IPO7: variants seen among roughly 807,000 people sequenced by gnomAD.
The protein encoded by IPO7 is importin 7.
A neutral mutation model predicts 136.4 loss-of-function variants in IPO7; 13 were observed. The ratio of observed to expected loss-of-function variants is 0.10; its 90% confidence interval spans 0.06 to 0.15. The LOEUF is 0.15. Ranked by LOEUF, IPO7 falls within the 10% of genes least tolerant of loss-of-function variation. The pLI, the probability that IPO7 is intolerant of heterozygous loss-of-function variation, is 1.00. For synonymous variants in IPO7, 403 were observed against 404.4 expected, an observed-to-expected ratio of 1.00 and a Z score of 0.04; for missense variants, 857 against 1,240.6, an observed-to-expected ratio of 0.69 and a Z score of 4.65.
At chr11:9,393,853 A>G (rs1854671989) in intron 1 of IPO7, among the ~76,000 whole-genome samples, 1 of 152,134 alleles carries the variant, frequency 6.6e-6, no homozygotes, top group South Asian at 2.1e-4. Flanking sequence ...AGTATCAGTA[A>G]CCTTGGAAAA....
At chr11:9,409,619 C>T (rs956439995) in intron 3 of IPO7, among the ~76,000 whole-genome samples, 1 of 152,156 alleles carries the variant, frequency 6.6e-6, no homozygotes, top group Non-Finnish European at 1.5e-5. Context: ...ACCTTGTGAT[C>T]TTCCCGCCTG....
At position 9,433,550 on chromosome 11, in the gene IPO7, T is replaced by G; in HGVS notation, c.1882-20T>G. 6.3e-7 allele frequency: 1 copy of G among 1,593,102 alleles called. No individual in the cohort carries two copies. The highest frequency in any genetic ancestry group is 1.1e-5 in the South Asian group (1 of 90,274). The stretch of plus-strand genomic sequence containing the variant: ...TTTAGTAGGCTGTAACTGCATATGA[T>G]TTTTTTTCTTCTCTTTTAGATAACC... On this transcript the variant is annotated intron_variant, in intron 16 of 24. Transcript: ENST00000379719.
intron 6 of IPO7, 153 bp from the exon 7 acceptor site, chr11:9,420,258 A>AGT: frequency 3.6e-6 from 2 of 549,136 alleles, no homozygotes; most frequent in Non-Finnish European, 6.4e-6. Flanking sequence ...CGGAGCTTGC[A>AGT]GTGAGCTGAG....
Position 9,426,318 on chromosome 11 carries a change from T to C in IPO7, c.1335+1056T>C, listed in dbSNP as rs189665269. 2.0e-4 allele frequency among the ~76,000 whole-genome samples: 30 copies of C among 152,338 alleles called. No individual in the cohort carries two copies. The East Asian group carries it at 5.8e-3, about 29-fold the overall frequency. On this transcript the variant is annotated intron_variant, in intron 12 of 24. Coordinates refer to ENST00000379719, the MANE Select transcript of IPO7 (RefSeq NM_006391.3). ...GACTTCTTTCATTTAGTGTAATGTT[T>C]TCAAGGATTATCTGTGTTATAGCAG...
intron 3 of IPO7, among the ~76,000 whole-genome samples, chr11:9,409,494 C>T (rs1854938182): frequency 6.6e-6 from 1 of 152,044 alleles, no homozygotes; most frequent in African/African-American, 2.4e-5. Flanking sequence ...GCACAGTGGC[C>T]TCAGCCCCCG....
chr11:9,391,166 G>A (rs1331555870), intron 1 of IPO7, among the ~76,000 whole-genome samples: 3 of 152,038 alleles, frequency 2.0e-5, no homozygotes, highest in African/African-American at 4.8e-5. Flanking sequence ...TTGGGAGGCC[G>A]AGGTGGGCGG....
chr11:9,408,072 C>T (rs7115477), intron 2 of IPO7, among the ~76,000 whole-genome samples: 79,206 of 151,942 alleles, frequency 0.52, 22,354 homozygotes, highest in Non-Finnish European at 0.64. Flanking sequence ...GTGATAAGAA[C>T]TGGTTTTTTT....
intron 20 of IPO7, 33 bp downstream of exon 20, chr11:9,436,399 A>AG: frequency 2.9e-6 from 4 of 1,400,972 alleles, no homozygotes; most frequent in Non-Finnish European, 4.0e-6. Flanking sequence ...TGTAGTTCAG[A>AG]GGGGTAATCT....
intron 1 of IPO7, among the ~76,000 whole-genome samples, chr11:9,386,555 C>T (rs1344762354): frequency 6.6e-6 from 1 of 152,232 alleles, no homozygotes; most frequent in South Asian, 2.1e-4. Context: ...ATTATACTTG[C>T]ATGTAATTAT....
intron 23 of IPO7, among the ~76,000 whole-genome samples, chr11:9,441,034 C>G (rs1455257799): frequency 3.3e-5 from 5 of 152,180 alleles, no homozygotes; most frequent in Non-Finnish European, 1.5e-5. Context: ...CCTGCCCAAA[C>G]CTATACTTAA....
chr11:9,411,928 C>T (rs571760213), intron 4 of IPO7, among the ~76,000 whole-genome samples: 2 of 152,216 alleles, frequency 1.3e-5, no homozygotes, highest in South Asian at 4.1e-4. Flanking sequence ...TATTTAAACT[C>T]TCTTAGGGTG....
chr11:9,426,412 C>G (rs1439505392), intron 12 of IPO7, among the ~76,000 whole-genome samples: 1 of 152,118 alleles, frequency 6.6e-6, no homozygotes, highest in Non-Finnish European at 1.5e-5. Context: ...ATTTTATTTA[C>G]TCATTCATTA....
At chr11:9,402,828 T>TG (rs534543335) in intron 1 of IPO7, 96 of 154,450 alleles carry the variant, frequency 6.2e-4, no homozygotes, top group Non-Finnish European at 9.6e-4. Context: ...ACTCTCGCCT[T>TG]GGGGGCGACA....
At chr11:9,395,404 C>T (rs950935643) in intron 1 of IPO7, among the ~76,000 whole-genome samples, 6 of 151,470 alleles carry the variant, frequency 4.0e-5, no homozygotes, top group African/African-American at 1.2e-4. Flanking sequence ...CCACTGTGCC[C>T]GGTTAATTGT....
At chr11:9,420,241 C>G in intron 6 of IPO7, 170 bp from the exon 7 acceptor site, 1 of 521,092 alleles carries the variant, frequency 1.9e-6, no homozygotes. Context: ...TGTGTGAACT[C>G]GGGAGGCGGA....
intron 1 of IPO7, among the ~76,000 whole-genome samples, chr11:9,393,175 G>A (rs1854660553): frequency 6.6e-6 from 1 of 152,136 alleles, no homozygotes; most frequent in South Asian, 2.1e-4. Flanking sequence ...ATGGAAAAGT[G>A]ATATTCTTCT....
chr11:9,427,805 T>G (rs1215437416), intron 12 of IPO7, among the ~76,000 whole-genome samples: 2 of 152,240 alleles, frequency 1.3e-5, no homozygotes, highest in African/African-American at 4.8e-5. Flanking sequence ...TCCATGGACC[T>G]TTTTAAAGTT....
intron 23 of IPO7, 128 bp from the exon 24 acceptor site, chr11:9,441,953 T>C: frequency 3.9e-6 from 2 of 512,710 alleles, no homozygotes; most frequent in Non-Finnish European, 7.1e-6. Flanking sequence ...TTAAAAATTA[T>C]TGGGAGAATA....
At position 9,420,446 on chromosome 11, in the gene IPO7, G is replaced by A. The variant is rs1013735589; in HGVS notation, c.762G>A (p.Glu254=). The stretch of plus-strand genomic sequence containing the variant: ...AAGTTGAAGAAGATGATCGACCTGA[G>A]TTACCATGGTGGAAATGCAAGAAGT... The part of the protein sequence containing the change: ...TLQVEEDDRP[E]LPWWKCKKWA... Residue 254 remains glutamate (E), a synonymous_variant, in exon 7 of 25, where the codon GAG becomes GAA. Coordinates refer to ENST00000379719, the MANE Select transcript of IPO7 (RefSeq NM_006391.3). 3 of 1,611,950 alleles carry A rather than the reference G, an allele frequency of 1.9e-6. No homozygotes were observed. The highest frequency in any genetic ancestry group is 2.2e-5 in the East Asian group (1 of 44,878).
Sources: allele counts gnomAD v4.1 joint callset (sites outside exome capture counted in the v4.1 genomes callset), GRCh38; gene constraint gnomAD v4.1.1; transcripts MANE v1.5; gene names NCBI Gene and HGNC (gene_info 2026-07-23, HGNC 2026-07-21).